PPFIBP2: variants seen among roughly 807,000 people sequenced by gnomAD.
PPFIBP2 encodes liprin-beta-2.
PPFIBP2 carries 118 observed loss-of-function variants against 118.3 expected under a neutral mutation model. The ratio of observed to expected loss-of-function variants is 1.00; its 90% confidence interval spans 0.86 to 1.16. The LOEUF (loss-of-function observed/expected upper bound fraction) is 1.16, where lower values mean the gene tolerates loss of function less well. Among genes scored for constraint, PPFIBP2 ranks in the 50% most tolerant of loss-of-function variants. PPFIBP2 has a pLI of 0.00. For synonymous variants in PPFIBP2, 414 were observed against 397.4 expected (o/e 1.04, Z -0.50); for missense variants, 1,195 against 1,073.1 (o/e 1.11, Z -1.59).
At chr11:7,609,435 A>G (rs1847800201) in intron 5 of PPFIBP2, among the ~76,000 whole-genome samples, 1 of 152,198 alleles carries the variant, frequency 6.6e-6, no homozygotes, top group South Asian at 2.1e-4. Flanking sequence ...GCCAATGGAA[A>G]AATATGTTTC....
chr11:7,635,670 T>A, intron 14 of PPFIBP2, 77 bp downstream of exon 14: 1 of 1,473,476 alleles, frequency 6.8e-7, no homozygotes, highest in Non-Finnish European at 9.5e-7. Context: ...AGTCATAGTT[T>A]TCATAACCTT....
intron 8 of PPFIBP2, 104 bp from the exon 9 acceptor site, chr11:7,628,181 G>C: frequency 1.1e-6 from 1 of 942,822 alleles, no homozygotes; most frequent in South Asian, 1.7e-5. Flanking sequence ...AAGGAGCCAT[G>C]TTCACATGGC....
intron 13 of PPFIBP2, 81 bp downstream of exon 13, chr11:7,634,633 C>A: frequency 9.6e-7 from 1 of 1,042,284 alleles, no homozygotes; most frequent in Non-Finnish European, 1.5e-6. Context: ...CAGGCAGGTC[C>A]TGGTCCCTAC....
Position 7,651,733 on chromosome 11 carries a change from C to T in PPFIBP2, c.2325C>T (p.Arg775=). ...CCCCACAAAAGACGCTCCTCAGGCG[C>T]CACCTGACCACCAAGTTCAATGCCT... is the stretch of plus-strand genomic sequence containing the variant. The part of the protein sequence containing the change: ...NIPPQKTLLR[R]HLTTKFNALI... The change falls in exon 23 of 24, where the codon CGC becomes CGT. Residue 775 remains arginine, a synonymous_variant. Transcript: ENST00000299492. The T allele has an allele frequency of 6.2e-7, 1 of 1,614,124 alleles. No individual in the cohort carries two copies. The highest frequency in any genetic ancestry group is 1.7e-5 in the Admixed American group (1 of 60,028).
the PPFIBP2 span, chr11:7,666,355 A>C: frequency 1.2e-6 from 1 of 813,094 alleles, no homozygotes. Flanking sequence ...ATCTGGTCCT[A>C]CAAAACTAAA....
At chr11:7,625,327 T>G (rs2135686028) in intron 7 of PPFIBP2, among the ~76,000 whole-genome samples, 1 of 152,262 alleles carries the variant, frequency 6.6e-6, no homozygotes, top group Non-Finnish European at 1.5e-5. Flanking sequence ...ATTTTCTCTG[T>G]GGGTTGGAAA....
At chr11:7,537,788 C>T (rs1851359099) in intron 1 of PPFIBP2, among the ~76,000 whole-genome samples, 1 of 152,160 alleles carries the variant, frequency 6.6e-6, no homozygotes, top group Non-Finnish European at 1.5e-5. Context: ...TTCCCAAAGG[C>T]ACAGATCCCT....
chr11:7,636,273 C>T (rs1003665938), intron 14 of PPFIBP2, among the ~76,000 whole-genome samples: 6 of 119,654 alleles, frequency 5.0e-5, no homozygotes, highest in African/African-American at 2.5e-4. Flanking sequence ...CTGAGAGGGT[C>T]ATTTTATATT....
Position 7,641,605 on chromosome 11 carries a change from A to C in PPFIBP2, c.1502A>C (p.Lys501Thr), listed in dbSNP as rs1166309463. ...PDGKRNPKGI[K>T]KFWGKIRRTQ... ...GGTAAACGGAATCCCAAAGGCATTA[A>C]GAAGTTCTGGGGAAAGTAAGTTGGT... The change falls in exon 16 of 24, where the codon AAG becomes ACG. Residue 501 changes from lysine to threonine, a missense_variant. Transcript: ENST00000299492. 1 of 1,614,054 alleles carries C rather than the reference A, an allele frequency of 6.2e-7. No homozygotes were observed. Among genetic ancestry groups the C allele is most frequent in the African/African-American group, 1.3e-5 (1 of 75,036 alleles).
rs1860580219 is a variant in PPFIBP2, at chr11:7,597,562, G to T, written c.375G>T (p.Val125=). The T allele has an allele frequency of 6.2e-7, 1 of 1,613,130 alleles. No homozygotes were observed. The highest frequency in any genetic ancestry group is 1.1e-5 in the South Asian group (1 of 90,922). ...EGDKESLILQ[V]SVLTDQVEAQ... is the part of the protein sequence containing the mutation. ...CATTGCTTTATTTCCTGGAACAGGT[G>T]AGTGTCCTCACAGACCAAGTAGAAG... is the stretch of plus-strand genomic sequence containing the variant. The change falls in exon 5 of 24, where the codon GTG becomes GTT. Residue 125 remains valine (V), a splice_region_variant and synonymous_variant. Transcript: ENST00000299492.
At chr11:7,533,755 T>A (rs562022165) in intron 1 of PPFIBP2, among the ~76,000 whole-genome samples, 1 of 152,084 alleles carries the variant, frequency 6.6e-6, no homozygotes, top group East Asian at 1.9e-4. Flanking sequence ...GAAAATGGGG[T>A]ATTTCTGTAT....
At chr11:7,663,098 C>T in the PPFIBP2 span, among the ~76,000 whole-genome samples, 2 of 129,766 alleles carry the variant, frequency 1.5e-5, no homozygotes, top group Non-Finnish European at 1.8e-5. Context: ...TTTGAATGTC[C>T]TCCCGTAGCT....
intron 1 of PPFIBP2, among the ~76,000 whole-genome samples, chr11:7,532,872 A>G (rs1011600965): frequency 6.6e-6 from 1 of 152,254 alleles, no homozygotes; most frequent in Admixed American, 6.5e-5. Flanking sequence ...CTCAAATTAC[A>G]GAATACATTT....
intron 3 of PPFIBP2, among the ~76,000 whole-genome samples, chr11:7,571,540 G>A (rs941737900): frequency 2.6e-5 from 4 of 152,292 alleles, no homozygotes; most frequent in East Asian, 3.9e-4. Flanking sequence ...GTCAGGATAC[G>A]TGTGTGTTGA....
intron 3 of PPFIBP2, among the ~76,000 whole-genome samples, chr11:7,581,787 A>G (rs1193327816): frequency 6.6e-6 from 1 of 152,038 alleles, no homozygotes; most frequent in Admixed American, 6.5e-5. Context: ...CTAGAATTCA[A>G]TTTCCTTGAT....
At chr11:7,566,739 A>T (rs1330142589) in intron 3 of PPFIBP2, among the ~76,000 whole-genome samples, 1 of 151,984 alleles carries the variant, frequency 6.6e-6, no homozygotes, top group African/African-American at 2.4e-5. Flanking sequence ...ATTTGTACAA[A>T]TTGTGGGGTA....
intron 11 of PPFIBP2, 185 bp downstream of exon 11, chr11:7,631,213 C>G (rs1310551956): frequency 1.1e-5 from 6 of 570,472 alleles, no homozygotes; most frequent in Non-Finnish European, 1.9e-5. Flanking sequence ...CTGGCCTGTG[C>G]TCTGGTTGGA....
chr11:7,644,007 T>C (rs931389743), intron 17 of PPFIBP2, among the ~76,000 whole-genome samples: 40 of 152,210 alleles, frequency 2.6e-4, no homozygotes, highest in African/African-American at 8.7e-4. Flanking sequence ...AATTTTTCTT[T>C]TTCAAAGTTT....
chr11:7,593,292 A>T, intron 4 of PPFIBP2, 68 bp downstream of exon 4: 2 of 1,559,250 alleles, frequency 1.3e-6, no homozygotes, highest in Non-Finnish European at 1.7e-6. Context: ...CCTAAGTGGA[A>T]GGGAAGCCCA....
Sources: gnomAD v4.1 joint callset for allele counts (sites outside exome capture counted in the v4.1 genomes callset) on GRCh38, gnomAD v4.1.1 for gene constraint, MANE v1.5 for transcripts, NCBI Gene and HGNC (gene_info 2026-07-23, HGNC 2026-07-21) for gene names.